The following GPC5 variants were observed in gnomAD, a reference collection of about 807,000 sequenced individuals.
GPC5 encodes the protein glypican 5.
Under a neutral mutation model 53.9 loss-of-function variants are expected in GPC5, and 47 were observed. The ratio of observed to expected loss-of-function variants is 0.87; its 90% CI spans 0.69 to 1.11. The LOEUF (loss-of-function observed/expected upper bound fraction) is 1.11. Ranked by LOEUF, GPC5 falls within the 50% of genes most tolerant of loss-of-function variation. The pLI, the probability that GPC5 is intolerant of heterozygous loss-of-function variation, is 0.00. For missense variants in GPC5, 748 were observed against 713.1 expected (o/e 1.05, Z -0.56); for synonymous variants, 286 against 263.3 (o/e 1.09, Z -0.84).
At chr13:91,617,637 T>C (rs1192989636) in intron 2 of GPC5, among the ~76,000 whole-genome samples, 1 of 151,986 alleles carries the variant, frequency 6.6e-6, no homozygotes, top group Non-Finnish European at 1.5e-5. Flanking sequence ...CCTCCCTCTC[T>C]CCCTCCCTCC....
chr13:91,507,604 A>G (rs1360776069), intron 2 of GPC5, among the ~76,000 whole-genome samples: 1 of 152,222 alleles, frequency 6.6e-6, no homozygotes, highest in Non-Finnish European at 1.5e-5. Flanking sequence ...GGTCCCTCCC[A>G]CAACACGTGG....
chr13:91,477,374 T>C (rs932828499), intron 2 of GPC5, among the ~76,000 whole-genome samples: 2 of 152,102 alleles, frequency 1.3e-5, no homozygotes, highest in African/African-American at 4.8e-5. Context: ...GAGTCCAAGA[T>C]GCCCCTTGGG....
intron 6 of GPC5, among the ~76,000 whole-genome samples, chr13:92,099,535 T>A (rs988139346): frequency 5.3e-5 from 8 of 152,214 alleles, no homozygotes; most frequent in African/African-American, 1.9e-4. Flanking sequence ...CAGATGGAAC[T>A]GTGTTTTTGC....
At chr13:91,965,648 G>A (rs951466503) in intron 6 of GPC5, among the ~76,000 whole-genome samples, 4 of 152,094 alleles carry the variant, frequency 2.6e-5, no homozygotes, top group Non-Finnish European at 4.4e-5. Context: ...ATTCATTTAG[G>A]CCTGTCATAT....
At chr13:91,481,044 T>C (rs906538402) in intron 2 of GPC5, among the ~76,000 whole-genome samples, 5 of 152,084 alleles carry the variant, frequency 3.3e-5, no homozygotes, top group African/African-American at 9.7e-5. Context: ...TGGTGCATGA[T>C]GGTCCATGTT....
At chr13:91,451,998 T>A (rs1881213655) in intron 2 of GPC5, among the ~76,000 whole-genome samples, 1 of 152,112 alleles carries the variant, frequency 6.6e-6, no homozygotes, top group Non-Finnish European at 1.5e-5. Flanking sequence ...ATTTTTAATT[T>A]ATGAGACAGG....
At chr13:92,084,152 G>A (rs1293867508) in intron 6 of GPC5, among the ~76,000 whole-genome samples, 1 of 152,142 alleles carries the variant, frequency 6.6e-6, no homozygotes, top group East Asian at 1.9e-4. Flanking sequence ...AGAGCATCAG[G>A]ATAAATAGCT....
chr13:92,317,565 C>T (rs1479321722), intron 7 of GPC5, among the ~76,000 whole-genome samples: 1 of 152,154 alleles, frequency 6.6e-6, no homozygotes, highest in Admixed American at 6.5e-5. Flanking sequence ...GTGATCCTGG[C>T]TTACGGCAAC....
intron 7 of GPC5, among the ~76,000 whole-genome samples, chr13:92,830,161 C>T (rs1878002867): frequency 6.6e-6 from 1 of 152,054 alleles, no homozygotes; most frequent in African/African-American, 2.4e-5. Context: ...CATAAACGTC[C>T]CTGGCTATGT....
chr13:91,947,193 G>A (rs142813083), intron 6 of GPC5, among the ~76,000 whole-genome samples: 4 of 152,004 alleles, frequency 2.6e-5, no homozygotes, highest in East Asian at 1.9e-4. Context: ...ACAATGTTAC[G>A]TTTTCAGGTA....
At chr13:92,838,772 A>C (rs530910479) in intron 7 of GPC5, among the ~76,000 whole-genome samples, 2 of 152,320 alleles carry the variant, frequency 1.3e-5, no homozygotes, top group East Asian at 3.9e-4. Flanking sequence ...AATTGAGCCT[A>C]TTTTTAAAAA....
intron 1 of GPC5, among the ~76,000 whole-genome samples, chr13:91,408,972 C>T (rs1877524811): frequency 6.6e-6 from 1 of 152,102 alleles, no homozygotes; most frequent in Admixed American, 6.5e-5. Context: ...AAAAGCACAC[C>T]AAGAGTGTGT....
chr13:92,434,187 C>G (rs963460959), intron 7 of GPC5, among the ~76,000 whole-genome samples: 2 of 152,062 alleles, frequency 1.3e-5, no homozygotes, highest in Admixed American at 1.3e-4. Flanking sequence ...ATAACTGTAG[C>G]AGGGTTATTC....
In GPC5 at chr13:92,521,379, C is replaced by T. The variant is rs529596600; in HGVS notation, c.1562-344903C>T. Among the ~76,000 whole-genome samples, 622 of 152,304 alleles carry T rather than the reference C, an allele frequency of 4.1e-3. 4 individuals are homozygous for T. The highest frequency in any genetic ancestry group is 0.014 in the African/African-American group (581 of 41,556). ...TCATGCTACCTGACTTCAAACTACA[C>T]TACAAGGCTACAGTAACCGAAACAG... On this transcript the variant is annotated intron_variant, in intron 7 of 7. Transcript: ENST00000377067.
chr13:92,338,195 G>T (rs1416602377), intron 7 of GPC5, among the ~76,000 whole-genome samples: 12 of 151,998 alleles, frequency 7.9e-5, no homozygotes, highest in Non-Finnish European at 1.8e-4. Context: ...AAAATATGCT[G>T]CACATTTTAG....
intron 7 of GPC5, among the ~76,000 whole-genome samples, chr13:92,540,886 G>A (rs1419607962): frequency 1.3e-5 from 2 of 151,826 alleles, no homozygotes; most frequent in African/African-American, 4.8e-5. Context: ...TGTCCAAGAA[G>A]ACCAGCAGTG....
intron 7 of GPC5, among the ~76,000 whole-genome samples, chr13:92,451,206 T>G (rs918406172): frequency 4.6e-5 from 7 of 152,212 alleles, no homozygotes; most frequent in African/African-American, 1.7e-4. Flanking sequence ...TGTTCTTTAG[T>G]GGTAGGCAGG....
At chr13:92,157,478 T>G (rs903805252) in intron 7 of GPC5, among the ~76,000 whole-genome samples, 2 of 152,180 alleles carry the variant, frequency 1.3e-5, no homozygotes, top group African/African-American at 4.8e-5. Flanking sequence ...GGTTCTGTCT[T>G]GATGACTACA....
intron 6 of GPC5, among the ~76,000 whole-genome samples, chr13:91,944,796 G>C (rs549324394): frequency 9.9e-5 from 15 of 152,242 alleles, no homozygotes; most frequent in African/African-American, 2.6e-4. Context: ...AATTATGGGC[G>C]CTTATAACTG....
Sources: allele counts gnomAD v4.1 joint callset (sites outside exome capture counted in the v4.1 genomes callset), GRCh38; gene constraint gnomAD v4.1.1; transcripts MANE v1.5; gene names NCBI Gene and HGNC (gene_info 2026-07-23, HGNC 2026-07-21).